STK39: variants seen among roughly 807,000 people sequenced by gnomAD.
The protein encoded by STK39 is serine/threonine kinase 39.
In STK39, 20 loss-of-function variants were observed where a neutral mutation model predicts 77.8. The observed-to-expected ratio is 0.26, with a 90% CI of 0.18 to 0.37. The LOEUF (loss-of-function observed/expected upper bound fraction) is 0.37, where lower values mean the gene tolerates loss of function less well. Among genes scored for constraint, STK39 ranks in the 10% least tolerant of loss-of-function variants. The probability of loss-of-function intolerance (pLI) is 1.00; values close to 1 mark genes in which losing one functional copy is unlikely to be tolerated. For synonymous variants in STK39, 246 were observed against 234.1 expected (o/e 1.05, Z -0.47); for missense variants, 479 against 656.5 (o/e 0.73, Z 2.95).
chr2:168,081,772 A>G (rs1382365839), intron 10 of STK39, among the ~76,000 whole-genome samples: 1 of 152,148 alleles, frequency 6.6e-6, no homozygotes, highest in Non-Finnish European at 1.5e-5. Context: ...AATTATGGGG[A>G]CAAGTCTTTC....
chr2:168,161,696 AT>A, intron 5 of STK39, 90 bp downstream of exon 5: 1 of 874,030 alleles, frequency 1.1e-6, no homozygotes, highest in Non-Finnish European at 1.8e-6. Context: ...GATTACATGC[AT>A]TTATTCATTT....
At chr2:168,063,898 C>T (rs1685727437) in intron 13 of STK39, among the ~76,000 whole-genome samples, 1 of 152,180 alleles carries the variant, frequency 6.6e-6, no homozygotes, top group Admixed American at 6.5e-5. Context: ...ACTATTGAAA[C>T]TTGGGGATCA....
Position 168,208,936 on chromosome 2 carries a change from T to C in STK39, c.209-26846A>G, listed in dbSNP as rs111857181. Among the ~76,000 whole-genome samples the C allele has an allele frequency of 6.4e-3, 970 of 152,304 alleles. 10 individuals are homozygous for C. Among genetic ancestry groups the C allele is most frequent in the Non-Finnish European group, 0.011 (746 of 68,022 alleles). On this transcript the variant is annotated intron_variant, in intron 1 of 17. Transcript: ENST00000355999. Reference sequence around the variant, plus strand: ...GAAGTGCAAGAGCAAGAAATACACTTGTGTTGTGCTAATCTCCTGTGATGT... The same window carrying C: ...GAAGTGCAAGAGCAAGAAATACACTCGTGTTGTGCTAATCTCCTGTGATGT...
chr2:168,112,013 T>C lies in STK39; in HGVS notation c.1089+17528A>G, dbSNP rs558317269. Among the ~76,000 whole-genome samples the C allele has an allele frequency of 2.6e-5, 4 of 152,320 alleles. No individual in the cohort carries two copies. The East Asian group carries it at 7.7e-4, about 29-fold the overall frequency. ...GCAACTATTTTGGCATACACCATGTTAAGCATTGAAGAGCGAGGACCAATT... is the reference window on the plus strand; with the variant it reads ...GCAACTATTTTGGCATACACCATGTCAAGCATTGAAGAGCGAGGACCAATT... On this transcript the variant is annotated intron_variant, in intron 10 of 17. Coordinates refer to ENST00000355999, the MANE Select transcript of STK39 (RefSeq NM_013233.3).
intron 16 of STK39, among the ~76,000 whole-genome samples, chr2:167,987,927 T>C (rs1678735590): frequency 6.6e-6 from 1 of 152,212 alleles, no homozygotes; most frequent in South Asian, 2.1e-4. Context: ...AATTTATGTA[T>C]CAAATTTTAA....
intron 8 of STK39, among the ~76,000 whole-genome samples, chr2:168,130,728 C>T (rs1232601619): frequency 6.6e-6 from 1 of 152,222 alleles, no homozygotes; most frequent in Admixed American, 6.5e-5. Flanking sequence ...TGAGTTCCTA[C>T]TTCTATCTTC....
Position 168,210,078 on chromosome 2 carries a change from GAAGA to G in STK39, c.209-27992_209-27989del, listed in dbSNP as rs1265726418. 2.3e-3 allele frequency among the ~76,000 whole-genome samples: 313 copies of G among 135,412 alleles called. 2 individuals carry two copies. Among genetic ancestry groups the G allele is most frequent in the African/African-American group, 6.1e-3 (236 of 38,686 alleles). The allele number at this position is 135,412 out of a possible 152,430, so 88.8% of individuals were successfully genotyped here. Reference sequence around the variant, plus strand: ...GGAAGGAAGGAAGGAAGGAAGGAAGGAAGAAAGAAACTCATGTAATTAGAAAAAC... The same window carrying G: ...GGAAGGAAGGAAGGAAGGAAGGAAGGAAGAAACTCATGTAATTAGAAAAAC... On this transcript the variant is annotated intron_variant, in intron 1 of 17. Transcript: ENST00000355999.
chr2:168,172,008 A>T (rs1381619495), intron 2 of STK39, among the ~76,000 whole-genome samples: 1 of 152,080 alleles, frequency 6.6e-6, no homozygotes, highest in East Asian at 1.9e-4. Flanking sequence ...TGGCCTTGCC[A>T]TTTACTGGCT....
intron 16 of STK39, among the ~76,000 whole-genome samples, chr2:167,991,395 G>A (rs965871241): frequency 6.6e-6 from 1 of 152,196 alleles, no homozygotes; most frequent in Non-Finnish European, 1.5e-5. Flanking sequence ...CCAAAGAGAA[G>A]AGTAAAGGCA....
chr2:168,241,640 C>T (rs762315192), intron 1 of STK39, among the ~76,000 whole-genome samples: 29 of 152,228 alleles, frequency 1.9e-4, no homozygotes. Flanking sequence ...CTCTCTTTCC[C>T]ACTTCCTCCC....
intron 1 of STK39, among the ~76,000 whole-genome samples, chr2:168,244,250 T>C (rs1221611891): frequency 1.3e-5 from 2 of 152,234 alleles, no homozygotes; most frequent in East Asian, 3.8e-4. Flanking sequence ...CAAAATCCTG[T>C]GTTTATTTTT....
chr2:168,039,598 CCAAAAAAAAA>C (rs147757515), intron 14 of STK39, among the ~76,000 whole-genome samples: 12,775 of 130,752 alleles, frequency 0.098, 4,786 homozygotes, highest in African/African-American at 0.27. Flanking sequence ...GACTCCGTCT[CCAAAAAAAAA>C]AAAAAAAAAA....
chr2:168,186,813 A>C (rs1221048822), intron 1 of STK39, among the ~76,000 whole-genome samples: 1 of 152,216 alleles, frequency 6.6e-6, no homozygotes, highest in Non-Finnish European at 1.5e-5. Flanking sequence ...AAAAGAGGGC[A>C]AAGTGGCTCA....
At chr2:168,150,737 G>C (rs537695463) in intron 5 of STK39, among the ~76,000 whole-genome samples, 1 of 151,874 alleles carries the variant, frequency 6.6e-6, no homozygotes, top group East Asian at 2.0e-4. Context: ...CATATTATTA[G>C]AGTGATAACC....
intron 17 of STK39, among the ~76,000 whole-genome samples, chr2:167,959,787 G>C (rs1421455372): frequency 6.6e-6 from 1 of 152,180 alleles, no homozygotes; most frequent in Non-Finnish European, 1.5e-5. Context: ...GACAGTGCCT[G>C]GCTCTGAGGA....
chr2:167,997,243 C>A (rs184894276), intron 16 of STK39, among the ~76,000 whole-genome samples: 4 of 151,786 alleles, frequency 2.6e-5, no homozygotes. Flanking sequence ...TTCTTCCCTA[C>A]GTGCAATTTC....
chr2:168,213,007 C>T (rs1161310359), intron 1 of STK39, among the ~76,000 whole-genome samples: 1 of 152,134 alleles, frequency 6.6e-6, no homozygotes, highest in African/African-American at 2.4e-5. Flanking sequence ...CATAAATATC[C>T]CATGATCCAT....
At chr2:168,073,721 C>T (rs1248522177) in intron 12 of STK39, among the ~76,000 whole-genome samples, 1 of 152,112 alleles carries the variant, frequency 6.6e-6, no homozygotes, top group Non-Finnish European at 1.5e-5. Flanking sequence ...CTCCACTTCC[C>T]GGGTTCGAGC....
At chr2:168,065,861 T>C (rs183081936) in intron 12 of STK39, among the ~76,000 whole-genome samples, 1 of 152,238 alleles carries the variant, frequency 6.6e-6, no homozygotes, top group Admixed American at 6.5e-5. Flanking sequence ...AAAAAATACA[T>C]AAGGATAGTT....
Sources: gnomAD v4.1 joint callset for allele counts (sites outside exome capture counted in the v4.1 genomes callset) on GRCh38, gnomAD v4.1.1 for gene constraint, MANE v1.5 for transcripts, NCBI Gene and HGNC (gene_info 2026-07-23, HGNC 2026-07-21) for gene names.